Variants in CELF4 observed in about 807,000 individuals in gnomAD.
CELF4 encodes the protein CUGBP Elav-like family member 4, also known as CUG-BP- and ETR-3-like factor 4.
In CELF4, 18 loss-of-function variants were observed where a neutral mutation model predicts 59.9. The observed-to-expected ratio is 0.30, with a 90% CI of 0.21 to 0.45. The LOEUF is 0.45. Among genes scored for constraint, CELF4 ranks in the 20% least tolerant of loss-of-function variants. The pLI is 1.00. For synonymous variants in CELF4, 261 were observed against 267.1 expected, an observed-to-expected ratio of 0.98 and a Z score of 0.22; for missense variants, 456 against 689.0, an observed-to-expected ratio of 0.66 and a Z score of 3.79.
chr18:37,335,976 A>C (rs2097759532), intron 2 of CELF4, among the ~76,000 whole-genome samples: 1 of 151,954 alleles, frequency 6.6e-6, no homozygotes, highest in African/African-American at 2.4e-5. Context: ...CTGCTCCCCT[A>C]GCTTGGACTC....
chr18:37,516,545 C>A (rs2099950826), intron 1 of CELF4, among the ~76,000 whole-genome samples: 1 of 152,166 alleles, frequency 6.6e-6, no homozygotes, highest in Non-Finnish European at 1.5e-5. Flanking sequence ...CTAATAGTAG[C>A]TAGAATTAAC....
chr18:37,247,666 T>TAC (rs947795557), intron 12 of CELF4, among the ~76,000 whole-genome samples: 5 of 150,770 alleles, frequency 3.3e-5, no homozygotes, highest in African/African-American at 9.7e-5. Context: ...CATACACACA[T>TAC]ACACACACAC....
chr18:37,327,496 C>T (rs1344221064), intron 2 of CELF4, among the ~76,000 whole-genome samples: 1 of 152,176 alleles, frequency 6.6e-6, no homozygotes, highest in Non-Finnish European at 1.5e-5. Context: ...GGTGTGGAGC[C>T]CAACTGCATT....
intron 1 of CELF4, among the ~76,000 whole-genome samples, chr18:37,521,960 C>T (rs188170450): frequency 1.1e-4 from 16 of 152,342 alleles, no homozygotes; most frequent in Non-Finnish European, 1.8e-4. Flanking sequence ...TCCACCGTGC[C>T]GGGTTATAGC....
intron 1 of CELF4, among the ~76,000 whole-genome samples, chr18:37,509,797 G>A (rs1485019815): frequency 6.6e-6 from 1 of 152,130 alleles, no homozygotes; most frequent in African/African-American, 2.4e-5. Context: ...ACAAAATATG[G>A]TATATCCATT....
chr18:37,484,084 A>G (rs925710238), intron 2 of CELF4, among the ~76,000 whole-genome samples: 2 of 152,028 alleles, frequency 1.3e-5, no homozygotes, highest in African/African-American at 2.4e-5. Context: ...TTTAGCCACC[A>G]TGAAACTCCC....
intron 1 of CELF4, among the ~76,000 whole-genome samples, chr18:37,494,284 A>G (rs2099922345): frequency 6.6e-6 from 1 of 152,186 alleles, no homozygotes; most frequent in Admixed American, 6.5e-5. Context: ...TGACATATTG[A>G]TGGCCTGTCC....
chr18:37,402,317 G>A (rs940525418), intron 2 of CELF4, among the ~76,000 whole-genome samples: 1 of 152,176 alleles, frequency 6.6e-6, no homozygotes, highest in Admixed American at 6.5e-5. Context: ...AGAGGCATTG[G>A]GGCCCCAAGG....
At chr18:37,344,095 C>T (rs567067852) in intron 2 of CELF4, among the ~76,000 whole-genome samples, 1 of 152,362 alleles carries the variant, frequency 6.6e-6, no homozygotes, top group African/African-American at 2.4e-5. Context: ...CTAGGACTGT[C>T]AGCTCCACAC....
rs1021542406 is a variant in CELF4 at position 37,411,600 on chromosome 18, C to T, written c.369+73925G>A. 5.4e-4 allele frequency among the ~76,000 whole-genome samples: 82 copies of T among 152,334 alleles called. 1 individual carries two copies. Among genetic ancestry groups the T allele is most frequent in the African/African-American group, 1.9e-3 (78 of 41,574 alleles). On this transcript the variant is annotated intron_variant, in intron 2 of 12. Transcript: ENST00000420428. ...ATGGGTGAAGAACGTTAGGTATTAA[C>T]TGGCATTTAAAACACACAAGATACC...
chr18:37,262,143 T>C (rs2074996022), intron 10 of CELF4, among the ~76,000 whole-genome samples: 1 of 152,164 alleles, frequency 6.6e-6, no homozygotes, highest in African/African-American at 2.4e-5. Context: ...CAACCTCTGC[T>C]CATCCTTCCA....
intron 1 of CELF4, among the ~76,000 whole-genome samples, chr18:37,560,162 C>T (rs545813805): frequency 6.6e-6 from 1 of 152,252 alleles, no homozygotes; most frequent in African/African-American, 2.4e-5. Context: ...TTAACATCTC[C>T]CTGTTGAATT....
intron 2 of CELF4, among the ~76,000 whole-genome samples, chr18:37,454,422 G>A (rs1247369547): frequency 1.3e-5 from 2 of 152,156 alleles, no homozygotes; most frequent in Non-Finnish European, 1.5e-5. Context: ...TCTTGCTTGG[G>A]TGGGGGACAG....
rs145337425 is a variant in CELF4 at position 37,516,830 on chromosome 18, G to A, written c.287-31223C>T. Among the ~76,000 whole-genome samples, 1,019 of 152,276 alleles carry A rather than the reference G, an allele frequency of 6.7e-3. 12 individuals carry two copies. The highest frequency in any genetic ancestry group is 0.023 in the African/African-American group (972 of 41,544). On this transcript the variant is annotated intron_variant, in intron 1 of 12. Transcript: ENST00000420428. ...TGGGGCGCTGGCTCCCAACAACTGC[G>A]CTCCTTAGCTGTGTAGCTCAGCTCT...
chr18:37,392,967 A>G (rs2099181919), intron 2 of CELF4, among the ~76,000 whole-genome samples: 1 of 151,930 alleles, frequency 6.6e-6, no homozygotes, highest in Admixed American at 6.5e-5. Context: ...GGCAGATTTT[A>G]TTTTTGTCTG....
chr18:37,454,177 T>C lies in CELF4; in HGVS notation c.369+31348A>G, dbSNP rs563362986. 3.9e-5 allele frequency among the ~76,000 whole-genome samples: 6 copies of C among 152,296 alleles called. No individual in the cohort carries two copies. In the South Asian group the frequency reaches 1.2e-3, roughly 32 times the overall value. ...AACAGCTTTGCAAAGATTTGTGCAC[T>C]GGGAAGCAGAAAAGCAAATCATATC... On this transcript the variant is annotated intron_variant, in intron 2 of 12. Coordinates refer to ENST00000420428, the MANE Select transcript of CELF4 (RefSeq NM_020180.4).
intron 12 of CELF4, among the ~76,000 whole-genome samples, chr18:37,250,063 C>G (rs1246644078): frequency 2.6e-5 from 4 of 152,136 alleles, no homozygotes; most frequent in Non-Finnish European, 4.4e-5. Flanking sequence ...CCCAGTGTGT[C>G]TGGTAAGCAG....
intron 2 of CELF4, among the ~76,000 whole-genome samples, chr18:37,378,327 C>G (rs1445855595): frequency 6.6e-6 from 1 of 152,146 alleles, no homozygotes; most frequent in Admixed American, 6.5e-5. Flanking sequence ...CAGGGCTGGG[C>G]CACCCCCACA....
intron 2 of CELF4, among the ~76,000 whole-genome samples, chr18:37,445,933 C>A (rs2099746984): frequency 6.6e-6 from 1 of 152,236 alleles, no homozygotes; most frequent in Admixed American, 6.5e-5. Context: ...CTATGCCAGG[C>A]CCCACGTGGA....
Sources: gnomAD v4.1 joint callset for allele counts (sites outside exome capture counted in the v4.1 genomes callset) on GRCh38, gnomAD v4.1.1 for gene constraint, MANE v1.5 for transcripts, NCBI Gene and HGNC (gene_info 2026-07-23, HGNC 2026-07-21) for gene names.